Variants in PLA2R1 observed in about 807,000 individuals in gnomAD.
PLA2R1 encodes the protein secretory phospholipase A2 receptor.
In PLA2R1, 158 loss-of-function variants were observed where a neutral mutation model predicts 195.9. The observed-to-expected ratio is 0.81, with a 90% CI of 0.71 to 0.92. The LOEUF (loss-of-function observed/expected upper bound fraction) is 0.92, where lower values mean the gene tolerates loss of function less well. Among genes scored for constraint, PLA2R1 ranks in the 40% least tolerant of loss-of-function variants. The probability of loss-of-function intolerance (pLI) is 0.00; values close to 1 mark genes in which losing one functional copy is unlikely to be tolerated. For missense variants in PLA2R1, 1,626 were observed against 1,764.6 expected (o/e 0.92, Z 1.41); for synonymous variants, 586 against 598.2 (o/e 0.98, Z 0.30).
intron 10 of PLA2R1, among the ~76,000 whole-genome samples, chr2:160,009,934 C>T (rs1021319994): frequency 6.6e-6 from 1 of 151,962 alleles, no homozygotes; most frequent in African/African-American, 2.4e-5. Flanking sequence ...ATGGCAAGAA[C>T]CTGTCTCTGT....
chr2:160,008,462 C>T (rs1357468551), intron 10 of PLA2R1, among the ~76,000 whole-genome samples: 1 of 152,178 alleles, frequency 6.6e-6, no homozygotes, highest in Non-Finnish European at 1.5e-5. Flanking sequence ...ACAGTCTTCT[C>T]AATAAACTGT....
Position 160,032,940 on chromosome 2 carries a change from G to T in PLA2R1, c.841+19C>A. On this transcript the variant is annotated intron_variant, in intron 4 of 29. Coordinates refer to ENST00000283243, the MANE Select transcript of PLA2R1 (RefSeq NM_007366.5). Reference sequence around the variant, plus strand: ...TCTTTTATTGTATCAATATCAATGTGCGTCATCCACCTACTTACCCCTTAT... The same window carrying T: ...TCTTTTATTGTATCAATATCAATGTTCGTCATCCACCTACTTACCCCTTAT... The T allele has an allele frequency of 2.0e-6, 3 of 1,527,904 alleles. No homozygotes were observed. Among genetic ancestry groups the T allele is most frequent in the Non-Finnish European group, 2.7e-6 (3 of 1,106,156 alleles). The allele number at this position is 1,527,904 out of a possible 1,614,324, so 94.6% of individuals were successfully genotyped here.
intron 11 of PLA2R1, among the ~76,000 whole-genome samples, chr2:159,987,652 G>A (rs537517130): frequency 1.3e-5 from 2 of 152,160 alleles, no homozygotes; most frequent in Non-Finnish European, 2.9e-5. Flanking sequence ...TTCCTATCTG[G>A]AACCAAAATA....
chr2:160,056,619 C>G (rs970121173), intron 1 of PLA2R1, among the ~76,000 whole-genome samples: 2 of 152,120 alleles, frequency 1.3e-5, no homozygotes, highest in African/African-American at 4.8e-5. Context: ...TCTTTTTAAA[C>G]CCTGTTTCTT....
chr2:160,016,851 C>A (rs887667238), intron 8 of PLA2R1, 139 bp from the exon 9 acceptor site: 17 of 604,758 alleles, frequency 2.8e-5, no homozygotes, highest in Middle Eastern at 4.3e-4. Context: ...TGCTTTGTCA[C>A]GGAAAGGGTT....
At chr2:159,956,686 A>C in intron 20 of PLA2R1, 59 bp from the exon 21 acceptor site, 2 of 1,056,090 alleles carry the variant, frequency 1.9e-6, no homozygotes, top group Admixed American at 1.8e-5. Context: ...TGAATTAAAA[A>C]TTTCCCAAAG....
chr2:160,054,821 T>C (rs17831191), intron 1 of PLA2R1, among the ~76,000 whole-genome samples: 45,951 of 152,138 alleles, frequency 0.3, 8,738 homozygotes, highest in Non-Finnish European at 0.42. Flanking sequence ...CTCCTAGCTA[T>C]GTGTTGGAAC....
chr2:159,955,827 A>G lies in PLA2R1; in HGVS notation c.3024T>C (p.Ala1008=). 1.9e-6 allele frequency: 3 copies of G among 1,593,672 alleles called. No homozygotes were observed. Among genetic ancestry groups the G allele is most frequent in the Non-Finnish European group, 2.6e-6 (3 of 1,166,324 alleles). Residue 1008 remains alanine (A), a splice_region_variant and synonymous_variant, in exon 22 of 30, where the codon GCT becomes GCC. Coordinates refer to ENST00000283243, the MANE Select transcript of PLA2R1 (RefSeq NM_007366.5). ...GGCCAAAAAGATTCATAGTAATGAA[A>G]GCTGAAAAACAGGAATACATTATCT... The part of the protein sequence containing the change: ...LVAIESEVEQ[A]FITMNLFGQT...
intron 10 of PLA2R1, among the ~76,000 whole-genome samples, chr2:160,009,822 C>T (rs548422397): frequency 1.3e-5 from 2 of 152,206 alleles, no homozygotes; most frequent in East Asian, 3.9e-4. Flanking sequence ...CACATTTAAG[C>T]TTAGGAGGGG....
intron 3 of PLA2R1, 113 bp from the exon 4 acceptor site, chr2:160,033,245 G>T (rs1693969645): frequency 5.5e-6 from 4 of 727,810 alleles, no homozygotes; most frequent in East Asian, 2.9e-5. Context: ...AAAACTTCAG[G>T]GCCTTATCTA....
intron 28 of PLA2R1, among the ~76,000 whole-genome samples, chr2:159,944,577 A>G (rs151010877): frequency 1.4e-3 from 213 of 152,344 alleles, no homozygotes; most frequent in African/African-American, 4.9e-3. Flanking sequence ...AATTCTGAGT[A>G]GCAGTCACCA....
chr2:160,001,888 ATAAT>A (rs759274697), intron 11 of PLA2R1, among the ~76,000 whole-genome samples: 6 of 151,866 alleles, frequency 4.0e-5, no homozygotes, highest in Non-Finnish European at 5.9e-5. Context: ...AACACTCTCA[ATAAT>A]TGATTGATCA....
intron 2 of PLA2R1, 151 bp from the exon 3 acceptor site, chr2:160,042,349 C>T: frequency 1.6e-6 from 1 of 606,702 alleles, no homozygotes; most frequent in Non-Finnish European, 2.9e-6. Flanking sequence ...CTCACTGTCT[C>T]CTGTCAGTAG....
At chr2:159,931,826 G>T (rs1574619607), downstream of PLA2R1, among the ~76,000 whole-genome samples, 1 of 152,098 alleles carries the variant, frequency 6.6e-6, no homozygotes, top group African/African-American at 2.4e-5. Flanking sequence ...TAAAAGGAAT[G>T]ACATTGTCCC....
At chr2:160,055,686 T>C (rs1213255162) in intron 1 of PLA2R1, among the ~76,000 whole-genome samples, 7 of 152,232 alleles carry the variant, frequency 4.6e-5, no homozygotes, top group Admixed American at 2.6e-4. Flanking sequence ...TGCAAGCTCC[T>C]GTGGGCACAA....
Position 160,028,368 on chromosome 2 carries a change from A to T in PLA2R1, c.956-7T>A. On this transcript the variant is annotated splice_region_variant and splice_polypyrimidine_tract_variant and intron_variant, in intron 5 of 29. Coordinates refer to ENST00000283243, the MANE Select transcript of PLA2R1 (RefSeq NM_007366.5). Reference sequence around the variant, plus strand: ...AATGGCTCAAAATTTACCTCTGAAAATACAATGAGTGTCTTTAATATTAGA... The same window carrying T: ...AATGGCTCAAAATTTACCTCTGAAATTACAATGAGTGTCTTTAATATTAGA... 1 of 1,596,400 alleles carries T rather than the reference A, an allele frequency of 6.3e-7. No individual in the cohort carries two copies. The highest frequency in any genetic ancestry group is 1.3e-5 in the African/African-American group (1 of 74,546).
At chr2:160,058,601 T>C (rs901274044) in intron 1 of PLA2R1, among the ~76,000 whole-genome samples, 2 of 152,196 alleles carry the variant, frequency 1.3e-5, no homozygotes, top group African/African-American at 4.8e-5. Flanking sequence ...TATGCCCAGT[T>C]TTCACCAGGA....
chr2:160,013,707 C>CTGTG (rs1162685609), intron 9 of PLA2R1, among the ~76,000 whole-genome samples: 193 of 45,766 alleles, frequency 4.2e-3, no homozygotes, highest in African/African-American at 0.011. Context: ...CTCTCTGTCT[C>CTGTG]TCTCTCTCTC....
At chr2:159,964,126 C>A (rs78745972) in intron 20 of PLA2R1, among the ~76,000 whole-genome samples, 27 of 152,138 alleles carry the variant, frequency 1.8e-4, no homozygotes, top group Admixed American at 9.2e-4. Flanking sequence ...AAACATCATG[C>A]GAATAGGCCA....
Sources: gnomAD v4.1 joint callset for allele counts (sites outside exome capture counted in the v4.1 genomes callset) on GRCh38, gnomAD v4.1.1 for gene constraint, MANE v1.5 for transcripts, NCBI Gene and HGNC (gene_info 2026-07-23, HGNC 2026-07-21) for gene names.